Variants in MGAT4C observed in about 807,000 individuals in gnomAD.
The protein encoded by MGAT4C is alpha-1,3-mannosyl-glycoprotein 4-beta-N-acetylglucosaminyltransferase C.
MGAT4C carries 19 observed loss-of-function variants against 40.1 expected under a neutral mutation model. The observed-to-expected ratio is 0.47, with a 90% CI of 0.33 to 0.70. The LOEUF (loss-of-function observed/expected upper bound fraction) is 0.70. Among genes scored for constraint, MGAT4C ranks in the 30% least tolerant of loss-of-function variants. The pLI, the probability that MGAT4C is intolerant of heterozygous loss-of-function variation, is 0.02. For synonymous variants in MGAT4C, 181 were observed against 187.1 expected (o/e 0.97, Z 0.27); for missense variants, 491 against 563.2 (o/e 0.87, Z 1.30).
At position 85,963,269 on chromosome 12, in the gene MGAT4C, C is replaced by T. The variant is rs1883204789; in HGVS notation, c.*16020G>A. On this transcript the variant is annotated 3_prime_UTR_variant, in exon 5 of 5. Coordinates refer to ENST00000611864, the MANE Select transcript of MGAT4C (RefSeq NM_001351288.2). ...AATATTTTAAAAGTACACATTGTTCCATGGCTTTTGCCTTTAGAATAAATA... is the reference window on the plus strand; with the variant it reads ...AATATTTTAAAAGTACACATTGTTCTATGGCTTTTGCCTTTAGAATAAATA... The T allele has an allele frequency of 6.6e-6, 1 of 151,808 alleles. No homozygotes were observed. The allele number at this position is 151,808 out of a possible 1,614,324, so 9.4% of individuals were successfully genotyped here.
chr12:86,785,738 G>T (rs1476615003), intron 1 of MGAT4C, among the ~76,000 whole-genome samples: 1 of 151,156 alleles, frequency 6.6e-6, no homozygotes, highest in East Asian at 1.9e-4. Context: ...TTGCTATAGG[G>T]TTACACTATT....
intron 2 of MGAT4C, among the ~76,000 whole-genome samples, chr12:86,681,361 C>A (rs1303655085): frequency 6.6e-6 from 1 of 151,892 alleles, no homozygotes; most frequent in Non-Finnish European, 1.5e-5. Context: ...ATAACATTTG[C>A]AACCATGGTG....
chr12:86,587,491 T>C (rs1961105993), intron 2 of MGAT4C, among the ~76,000 whole-genome samples: 1 of 151,990 alleles, frequency 6.6e-6, no homozygotes, highest in Non-Finnish European at 1.5e-5. Context: ...GTGAAGAAAG[T>C]CATTGGTAGC....
intron 1 of MGAT4C, among the ~76,000 whole-genome samples, chr12:86,169,032 G>A (rs1323142917): frequency 1.3e-5 from 2 of 151,984 alleles, no homozygotes; most frequent in African/African-American, 2.4e-5. Context: ...GGGGAAAACT[G>A]CCCCCAAAAC....
chr12:86,830,716 G>GAAACAAACAAACAAAC, intron 1 of MGAT4C, among the ~76,000 whole-genome samples: 1 of 149,714 alleles, frequency 6.7e-6, no homozygotes, highest in African/African-American at 2.5e-5. Context: ...GGCTCCTAAT[G>GAAACAAACAAACAAAC]AAACAAACAA....
intron 3 of MGAT4C, among the ~76,000 whole-genome samples, chr12:86,409,091 T>C (rs1026973589): frequency 4.6e-5 from 7 of 152,136 alleles, no homozygotes; most frequent in Non-Finnish European, 1.0e-4. Flanking sequence ...TAATCTACTT[T>C]ATTACACTTC....
intron 1 of MGAT4C, among the ~76,000 whole-genome samples, chr12:86,790,166 G>T (rs951834883): frequency 6.6e-6 from 1 of 152,094 alleles, no homozygotes; most frequent in Non-Finnish European, 1.5e-5. Flanking sequence ...CTAGTGAATG[G>T]CTAAGGTAGA....
chr12:86,795,894 G>C (rs552132955), intron 1 of MGAT4C, among the ~76,000 whole-genome samples: 3 of 151,942 alleles, frequency 2.0e-5, no homozygotes, highest in Non-Finnish European at 4.4e-5. Flanking sequence ...CCTGTAAAGT[G>C]TGTCAGAATT....
chr12:86,081,053 T>C (rs1441699443), intron 1 of MGAT4C, among the ~76,000 whole-genome samples: 1 of 152,172 alleles, frequency 6.6e-6, no homozygotes, highest in African/African-American at 2.4e-5. Flanking sequence ...AGGTTACCAT[T>C]TGTTTCTCTG....
At chr12:86,589,151 G>T (rs923252879) in intron 2 of MGAT4C, among the ~76,000 whole-genome samples, 1 of 151,864 alleles carries the variant, frequency 6.6e-6, no homozygotes, top group African/African-American at 2.4e-5. Context: ...TTGATAGACC[G>T]CTGGCAAGAC....
intron 3 of MGAT4C, among the ~76,000 whole-genome samples, chr12:86,428,065 A>T (rs1956963545): frequency 6.6e-6 from 1 of 152,002 alleles, no homozygotes; most frequent in Non-Finnish European, 1.5e-5. Flanking sequence ...CACAACAACA[A>T]AAAAACCCGC....
chr12:86,132,575 T>C (rs1881352862), intron 1 of MGAT4C, among the ~76,000 whole-genome samples: 1 of 152,008 alleles, frequency 6.6e-6, no homozygotes, highest in Non-Finnish European at 1.5e-5. Flanking sequence ...GGGCAGATCA[T>C]GAGGTCAGGA....
chr12:86,814,193 C>T (rs997898069), intron 1 of MGAT4C, among the ~76,000 whole-genome samples: 3 of 151,038 alleles, frequency 2.0e-5, no homozygotes, highest in Non-Finnish European at 4.4e-5. Flanking sequence ...ATGGCTTTTG[C>T]AAATTATTTA....
intron 1 of MGAT4C, among the ~76,000 whole-genome samples, chr12:86,084,580 T>C (rs931935629): frequency 6.6e-6 from 1 of 151,880 alleles, no homozygotes; most frequent in African/African-American, 2.4e-5. Flanking sequence ...AGAGAAACAT[T>C]AGTGGATGTT....
In MGAT4C at chr12:86,082,330, C is replaced by T. The variant is rs190080216; in HGVS notation, c.-56-32607G>A. ...AAGCAATTTCACCTCAAAAATCTTA[C>T]GGTTCTTTTTAGCATTGCTGTGTCT... is the stretch of plus-strand genomic sequence containing the variant. On this transcript the variant is annotated intron_variant, in intron 1 of 4. Coordinates refer to ENST00000611864, the MANE Select transcript of MGAT4C (RefSeq NM_001351288.2). Among the ~76,000 whole-genome samples, 74 of 152,218 alleles carry T rather than the reference C, an allele frequency of 4.9e-4. 1 individual carries two copies. The East Asian group carries it at 0.011, about 22-fold the overall frequency.
At chr12:86,830,905 T>C (rs1952914079) in intron 1 of MGAT4C, among the ~76,000 whole-genome samples, 1 of 151,762 alleles carries the variant, frequency 6.6e-6, no homozygotes, top group Non-Finnish European at 1.5e-5. Flanking sequence ...ATGTGGGCAT[T>C]TACTAAAGGT....
intron 1 of MGAT4C, among the ~76,000 whole-genome samples, chr12:86,240,591 T>C (rs1220399897): frequency 1.3e-5 from 2 of 152,128 alleles, no homozygotes; most frequent in African/African-American, 4.8e-5. Context: ...TCTGCTCTTA[T>C]GAATATTTTA....
At chr12:86,515,866 C>CCGAGTAG (rs1247155282) in intron 2 of MGAT4C, among the ~76,000 whole-genome samples, 2 of 151,984 alleles carry the variant, frequency 1.3e-5, no homozygotes, top group Admixed American at 1.3e-4. Flanking sequence ...CCTCAGCCTC[C>CCGAGTAG]CGAGTAGCTG....
At chr12:86,250,292 T>C (rs1952214693) in intron 1 of MGAT4C, among the ~76,000 whole-genome samples, 1 of 146,070 alleles carries the variant, frequency 6.8e-6, no homozygotes, top group East Asian at 2.0e-4. Context: ...GATGCTTCAT[T>C]AAAACAAAAC....
Sources: allele counts gnomAD v4.1 joint callset (sites outside exome capture counted in the v4.1 genomes callset), GRCh38; gene constraint gnomAD v4.1.1; transcripts MANE v1.5; gene names NCBI Gene and HGNC (gene_info 2026-07-23, HGNC 2026-07-21).